The following PPP1R9A variants were observed in gnomAD, a reference collection of about 807,000 sequenced individuals.
PPP1R9A encodes protein phosphatase 1 regulatory subunit 9A, also known as neurabin-1.
Under a neutral mutation model 141.9 loss-of-function variants are expected in PPP1R9A, and 59 were observed. That is an observed-to-expected ratio of 0.42 (90% CI 0.34 to 0.52). PPP1R9A has a LOEUF of 0.52. Among genes scored for constraint, PPP1R9A ranks in the 20% least tolerant of loss-of-function variants. The pLI is 0.10. For missense variants in PPP1R9A, 1,444 were observed against 1,611.9 expected (o/e 0.90, Z 1.78); for synonymous variants, 500 against 569.7 (o/e 0.88, Z 1.74).
intron 2 of PPP1R9A, among the ~76,000 whole-genome samples, chr7:94,931,424 A>T (rs1229969604): frequency 6.6e-6 from 1 of 152,192 alleles, no homozygotes; most frequent in Non-Finnish European, 1.5e-5. Flanking sequence ...CAGATATCAT[A>T]TTATAAAAAT....
Position 95,133,684 on chromosome 7 carries a change from T to C in PPP1R9A, c.1649+12852T>C, listed in dbSNP as rs114055750. ...GACCATGTCCAGGTGCATTACATTT[T>C]ATTTGATTTCATTATTTATTTATTT... On this transcript the variant is annotated intron_variant, in intron 4 of 19. Coordinates refer to ENST00000433360, the MANE Select transcript of PPP1R9A (RefSeq NM_001166160.2). Among the ~76,000 whole-genome samples the C allele has an allele frequency of 1.0e-2, 1,514 of 152,074 alleles. 38 individuals are homozygous for C. Among genetic ancestry groups the C allele is most frequent in the African/African-American group, 0.035 (1,462 of 41,476 alleles).
At chr7:94,982,521 C>G (rs1268849334) in intron 2 of PPP1R9A, among the ~76,000 whole-genome samples, 3 of 152,188 alleles carry the variant, frequency 2.0e-5, no homozygotes, top group Non-Finnish European at 2.9e-5. Flanking sequence ...GCCATTCTAA[C>G]TGGCATGAGA....
At chr7:95,099,629 G>C (rs1052677256) in intron 2 of PPP1R9A, among the ~76,000 whole-genome samples, 1 of 151,882 alleles carries the variant, frequency 6.6e-6, no homozygotes, top group African/African-American at 2.4e-5. Flanking sequence ...TACTTTAATG[G>C]CATAAACTAT....
intron 4 of PPP1R9A, among the ~76,000 whole-genome samples, chr7:95,151,524 G>A (rs974833024): frequency 6.6e-6 from 1 of 152,074 alleles, no homozygotes; most frequent in Non-Finnish European, 1.5e-5. Flanking sequence ...AAACCATTCT[G>A]TATGATACTA....
At position 95,074,254 on chromosome 7, in the gene PPP1R9A, A is replaced by G. The variant is rs545756627; in HGVS notation, c.1396-37005A>G. ...TTTTTATGTAAGAGAATATAAATTT[A>G]TTCTAATATTTTTAGACTATCCCAT... On this transcript the variant is annotated intron_variant, in intron 2 of 19. Coordinates refer to ENST00000433360, the MANE Select transcript of PPP1R9A (RefSeq NM_001166160.2). Among the ~76,000 whole-genome samples the G allele has an allele frequency of 4.6e-5, 7 of 152,282 alleles. No individual in the cohort carries two copies. The South Asian group carries it at 1.2e-3, about 27-fold the overall frequency.
At chr7:95,058,280 A>G (rs1386628392) in intron 2 of PPP1R9A, among the ~76,000 whole-genome samples, 1 of 152,216 alleles carries the variant, frequency 6.6e-6, no homozygotes, top group African/African-American at 2.4e-5. Flanking sequence ...ACTAGGTATT[A>G]GATGTTATAA....
Position 95,284,110 on chromosome 7 carries a change from T to C in PPP1R9A, c.3389T>C (p.Phe1130Ser). The C allele has an allele frequency of 6.3e-7, 1 of 1,593,030 alleles. No homozygotes were observed. The highest frequency in any genetic ancestry group is 8.5e-7 in the Non-Finnish European group (1 of 1,173,944). ...TRSPCMPFSW[F>S]NDSRKGSYSF... ...TCCCCTTGCATGCCTTTCTCATGGT[T>C]TAATGACAGCCGGAAAGGATCCTAT... The change falls in exon 17 of 20, where the codon TTT (phenylalanine) becomes TCT (serine). Residue 1130 changes from phenylalanine (F) to serine (S), a missense_variant. By Grantham distance (155) the Phe-to-Ser change is radical. Coordinates refer to ENST00000433360, the MANE Select transcript of PPP1R9A (RefSeq NM_001166160.2).
intron 2 of PPP1R9A, among the ~76,000 whole-genome samples, chr7:94,979,569 G>C (rs1799846359): frequency 6.6e-6 from 1 of 152,194 alleles, no homozygotes; most frequent in East Asian, 1.9e-4. Flanking sequence ...TTAGAAAGCT[G>C]TTTTCAGTTG....
chr7:95,088,464 A>T lies in PPP1R9A; in HGVS notation c.1396-22795A>T, dbSNP rs114360563. ...CATGGCACTGGGAAAACCACCATGC[A>T]ATCAGGGCAGTTTAAAGATAGTAGA... On this transcript the variant is annotated intron_variant, in intron 2 of 19. Transcript: ENST00000433360. Among the ~76,000 whole-genome samples the T allele has an allele frequency of 1.4e-3, 220 of 152,088 alleles. 4 individuals are homozygous for T. The highest frequency in any genetic ancestry group is 5.2e-3 in the African/African-American group (217 of 41,358).
intron 2 of PPP1R9A, among the ~76,000 whole-genome samples, chr7:95,073,354 C>T (rs935971688): frequency 1.3e-4 from 20 of 151,948 alleles, no homozygotes; most frequent in African/African-American, 3.1e-4. Flanking sequence ...GTAAAGCTAC[C>T]GGAATATGTA....
At chr7:95,057,056 TAGAAA>T (rs1811596547) in intron 2 of PPP1R9A, among the ~76,000 whole-genome samples, 2 of 152,132 alleles carry the variant, frequency 1.3e-5, no homozygotes, top group Admixed American at 6.6e-5. Flanking sequence ...AGACTTCACT[TAGAAA>T]AGAAAAAGAG....
intron 2 of PPP1R9A, among the ~76,000 whole-genome samples, chr7:94,949,526 G>T (rs1796233081): frequency 1.3e-5 from 2 of 152,204 alleles, no homozygotes; most frequent in South Asian, 4.1e-4. Flanking sequence ...AAACAAAAAT[G>T]GGATTTACCC....
rs577386101 is a variant in PPP1R9A at position 94,967,409 on chromosome 7, G to C, written c.1395+55901G>C. On this transcript the variant is annotated intron_variant, in intron 2 of 19. Transcript: ENST00000433360. ...TCTAGTTCTTTTAATTGTGATGTTA[G>C]AGTATCAATTTTAGATCTTTCCTGC... Among the ~76,000 whole-genome samples the C allele has an allele frequency of 2.0e-5, 3 of 152,092 alleles. No individual in the cohort carries two copies. The South Asian group carries it at 6.2e-4, about 32-fold the overall frequency.
intron 2 of PPP1R9A, among the ~76,000 whole-genome samples, chr7:95,110,890 G>A (rs1388843005): frequency 6.6e-6 from 1 of 152,102 alleles, no homozygotes; most frequent in Non-Finnish European, 1.5e-5. Flanking sequence ...GTTCAGTGTA[G>A]GTATTTGCTT....
At chr7:95,009,829 CAG>C (rs1327669292) in intron 2 of PPP1R9A, among the ~76,000 whole-genome samples, 1 of 152,124 alleles carries the variant, frequency 6.6e-6, no homozygotes, top group African/African-American at 2.4e-5. Flanking sequence ...AAGAGGAGGA[CAG>C]GGGCAGAATG....
chr7:95,209,716 TG>T (rs1456393930), intron 7 of PPP1R9A, among the ~76,000 whole-genome samples: 1 of 152,228 alleles, frequency 6.6e-6, no homozygotes, highest in African/African-American at 2.4e-5. Flanking sequence ...ATTCTGTAAC[TG>T]TAATTTCTGG....
At chr7:95,054,755 C>T (rs920390305) in intron 2 of PPP1R9A, among the ~76,000 whole-genome samples, 1 of 152,134 alleles carries the variant, frequency 6.6e-6, no homozygotes, top group South Asian at 2.1e-4. Flanking sequence ...TTCTTCCCAG[C>T]ACATTGACAT....
intron 2 of PPP1R9A, among the ~76,000 whole-genome samples, chr7:95,107,926 C>T (rs1279139611): frequency 3.3e-5 from 5 of 152,186 alleles, no homozygotes; most frequent in Admixed American, 6.5e-5. Flanking sequence ...GCACTTTCTT[C>T]AGGGCTTTTT....
intron 2 of PPP1R9A, chr7:95,108,767 A>G (rs1233623355): frequency 2.0e-5 from 3 of 151,962 alleles, no homozygotes. Flanking sequence ...AGTGTTTGGG[A>G]TCCTGAAAAA....
Sources: allele counts gnomAD v4.1 joint callset (sites outside exome capture counted in the v4.1 genomes callset), GRCh38; gene constraint gnomAD v4.1.1; transcripts MANE v1.5; gene names NCBI Gene and HGNC (gene_info 2026-07-23, HGNC 2026-07-21).